Variants in CREBRF observed in about 807,000 individuals in gnomAD.
CREBRF encodes the protein UPF0474 protein C5orf41.
Under a neutral mutation model 66.1 loss-of-function variants are expected in CREBRF, and 5 were observed. The observed-to-expected ratio is 0.08, with a 90% CI of 0.04 to 0.16. The LOEUF is 0.16. Ranked by LOEUF, CREBRF falls within the 10% of genes least tolerant of loss-of-function variation. The pLI is 1.00. For synonymous variants in CREBRF, 229 were observed against 264.4 expected, an observed-to-expected ratio of 0.87 and a Z score of 1.30; for missense variants, 531 against 744.9, an observed-to-expected ratio of 0.71 and a Z score of 3.34.
chr5:173,064,290 G>A (rs1456122207), intron 1 of CREBRF, among the ~76,000 whole-genome samples: 1 of 152,082 alleles, frequency 6.6e-6, no homozygotes, highest in Non-Finnish European at 1.5e-5. Flanking sequence ...GGGTAGGGTG[G>A]GTGTACTTTT....
intron 8 of CREBRF, among the ~76,000 whole-genome samples, chr5:173,128,942 G>A (rs1398465568): frequency 3.3e-5 from 5 of 151,144 alleles, no homozygotes; most frequent in African/African-American, 9.7e-5. Flanking sequence ...CACCATGCCC[G>A]GCGAATTTTT....
intron 4 of CREBRF, among the ~76,000 whole-genome samples, chr5:173,095,991 A>T (rs1236353382): frequency 1.3e-4 from 20 of 150,886 alleles, no homozygotes; most frequent in Admixed American, 3.9e-4. Context: ...TTTTTTTGAG[A>T]CAGAGTCTTG....
chr5:173,063,775 T>C (rs2113660687), intron 1 of CREBRF, among the ~76,000 whole-genome samples: 1 of 151,940 alleles, frequency 6.6e-6, no homozygotes, highest in African/African-American at 2.4e-5. Flanking sequence ...CAGGCTGGAG[T>C]GCAGTGGTGT....
At chr5:173,098,631 A>G (rs1470170858) in intron 4 of CREBRF, among the ~76,000 whole-genome samples, 1 of 152,152 alleles carries the variant, frequency 6.6e-6, no homozygotes, top group Non-Finnish European at 1.5e-5. Flanking sequence ...CTGAAGTGTT[A>G]TTCAAATCCA....
intron 4 of CREBRF, among the ~76,000 whole-genome samples, chr5:173,094,069 C>T (rs1324478127): frequency 6.6e-6 from 1 of 152,176 alleles, no homozygotes; most frequent in Non-Finnish European, 1.5e-5. Flanking sequence ...TGATGTCTTC[C>T]AGGTTCATCC....
At chr5:173,082,908 C>CAAAAAAAAAAAAAAAAAAAA (rs70984937) in intron 2 of CREBRF, among the ~76,000 whole-genome samples, 3 of 29,018 alleles carry the variant, frequency 1.0e-4, no homozygotes, top group Non-Finnish European at 1.8e-4. Flanking sequence ...GACTCTGTCT[C>CAAAAAAAAAAAAAAAAAAAA]AAAAAAAAAA....
At chr5:173,082,013 T>TGTTTTTTTTTTTTGTTTTG (rs1554123731) in intron 2 of CREBRF, among the ~76,000 whole-genome samples, 1 of 123,628 alleles carries the variant, frequency 8.1e-6, no homozygotes, top group East Asian at 2.2e-4. Context: ...GTTTTTTTTT[T>TGTTTTTTTTTTTTGTTTTG]TTTTTTTTTT....
At chr5:173,091,706 T>G in intron 4 of CREBRF, 1 of 1,055,738 alleles carries the variant, frequency 9.5e-7, no homozygotes, top group Non-Finnish European at 1.1e-6. Flanking sequence ...GACTTATTCT[T>G]AATGTATCTT....
intron 4 of CREBRF, among the ~76,000 whole-genome samples, chr5:173,093,942 A>G (rs1758413494): frequency 6.6e-6 from 1 of 152,204 alleles, no homozygotes; most frequent in South Asian, 2.1e-4. Flanking sequence ...AGCCCCTGGC[A>G]ACCTCCATTC....
At chr5:173,089,167 A>T (rs1309464915) in intron 3 of CREBRF, among the ~76,000 whole-genome samples, 7 of 136,392 alleles carry the variant, frequency 5.1e-5, no homozygotes, top group Non-Finnish European at 9.3e-5. Flanking sequence ...ACAGAGTGAG[A>T]CTCCATCTCA....
chr5:173,122,276 G>T (rs1370010655), intron 7 of CREBRF, among the ~76,000 whole-genome samples: 1 of 152,004 alleles, frequency 6.6e-6, no homozygotes, highest in East Asian at 1.9e-4. Context: ...TAATTTTCGT[G>T]GTTTTATTAG....
intron 7 of CREBRF, among the ~76,000 whole-genome samples, chr5:173,119,382 C>G (rs1759083283): frequency 6.6e-6 from 1 of 152,080 alleles, no homozygotes; most frequent in African/African-American, 2.4e-5. Flanking sequence ...GTGTAGAGTG[C>G]TTGAACATCT....
intron 4 of CREBRF, 126 bp downstream of exon 4, chr5:173,091,527 C>T: frequency 6.8e-7 from 1 of 1,476,002 alleles, no homozygotes; most frequent in Non-Finnish European, 9.0e-7. Context: ...TGACTTAAAC[C>T]TTGGATTGGA....
intron 1 of CREBRF, among the ~76,000 whole-genome samples, chr5:173,062,782 C>G (rs1282297340): frequency 1.5e-5 from 2 of 135,446 alleles, no homozygotes; most frequent in African/African-American, 5.4e-5. Flanking sequence ...GAGTCTTGCT[C>G]TGTCGCCCAG....
At chr5:173,060,234 T>C (rs1757227303) in intron 1 of CREBRF, 1 of 127,372 alleles carries the variant, frequency 7.9e-6, no homozygotes. Context: ...TATATATATG[T>C]TTTTTTTTTT....
At chr5:173,070,405 C>T (rs139908147) in intron 1 of CREBRF, among the ~76,000 whole-genome samples, 246 of 152,224 alleles carry the variant, frequency 1.6e-3, no homozygotes, top group African/African-American at 5.7e-3. Context: ...GCTTAGAAAA[C>T]AAAGTGATTC....
intron 3 of CREBRF, among the ~76,000 whole-genome samples, chr5:173,087,224 G>T (rs1758179326): frequency 6.6e-6 from 1 of 152,056 alleles, no homozygotes; most frequent in African/African-American, 2.4e-5. Flanking sequence ...TGGGATTACA[G>T]GCATGAGTCA....
chr5:173,058,480 A>AT (rs548393057), intron 1 of CREBRF, among the ~76,000 whole-genome samples: 6,524 of 145,008 alleles, frequency 0.045, 190 homozygotes, highest in Middle Eastern at 0.12. Flanking sequence ...TGATTCATCA[A>AT]TTTTTTTTTT....
chr5:173,135,369 G>A lies in CREBRF; in HGVS notation c.*1624G>A, dbSNP rs1759561195. 1 of 152,418 alleles carries A rather than the reference G, an allele frequency of 6.6e-6. No individual in the cohort carries two copies. The highest frequency in any genetic ancestry group is 2.4e-5 in the African/African-American group (1 of 41,406). The allele number at this position is 152,418 out of a possible 1,614,324, so 9.4% of individuals were successfully genotyped here. A position where few individuals can be genotyped will look rare whatever the true frequency, so the allele number is the denominator to read the frequency against. ...AGCTTCATTAGTCAGTGTTTTAACT[G>A]TGTTCAAGCTTTACCTCTTGATGAG... is the stretch of plus-strand genomic sequence containing the variant. On this transcript the variant is annotated 3_prime_UTR_variant, in exon 9 of 9. Coordinates refer to ENST00000296953, the MANE Select transcript of CREBRF (RefSeq NM_153607.3).
Sources: allele counts gnomAD v4.1 joint callset (sites outside exome capture counted in the v4.1 genomes callset), GRCh38; gene constraint gnomAD v4.1.1; transcripts MANE v1.5; gene names NCBI Gene and HGNC (gene_info 2026-07-23, HGNC 2026-07-21).